Variants in TTC3 observed in about 807,000 individuals in gnomAD.
TTC3 encodes the protein tetratricopeptide repeat domain 3.
A neutral mutation model predicts 249.6 loss-of-function variants in TTC3; 180 were observed. That is an observed-to-expected ratio of 0.72 (90% CI 0.64 to 0.82). The LOEUF (loss-of-function observed/expected upper bound fraction) is 0.82. Among genes scored for constraint, TTC3 ranks in the 40% least tolerant of loss-of-function variants. The pLI, the probability that TTC3 is intolerant of heterozygous loss-of-function variation, is 0.00. For missense variants in TTC3, 2,061 were observed against 2,398.4 expected (o/e 0.86, Z 2.94); for synonymous variants, 717 against 805.0 (o/e 0.89, Z 1.85).
At chr21:37,127,408 T>G (rs1254386651) in intron 15 of TTC3, among the ~76,000 whole-genome samples, 1 of 152,210 alleles carries the variant, frequency 6.6e-6, no homozygotes, top group Non-Finnish European at 1.5e-5. Context: ...AGAACCTCAT[T>G]ACTTGGCATC....
chr21:37,154,062 G>A (rs982300027), intron 27 of TTC3, among the ~76,000 whole-genome samples: 1 of 152,250 alleles, frequency 6.6e-6, no homozygotes, highest in African/African-American at 2.4e-5. Context: ...GCAGAAGGCA[G>A]CTGCAGATAC....
chr21:37,104,810 G>A (rs550184844), intron 10 of TTC3, among the ~76,000 whole-genome samples: 1 of 152,214 alleles, frequency 6.6e-6, no homozygotes, highest in Admixed American at 6.5e-5. Flanking sequence ...ACTGAACTTT[G>A]ACAAATACCA....
intron 11 of TTC3, among the ~76,000 whole-genome samples, chr21:37,118,553 A>G (rs1382730929): frequency 6.6e-6 from 1 of 152,218 alleles, no homozygotes; most frequent in Non-Finnish European, 1.5e-5. Flanking sequence ...TGAGGGGCGC[A>G]TTAGGACTTT....
intron 21 of TTC3, 40 bp downstream of exon 21, chr21:37,144,685 G>A (rs2078827703): frequency 6.3e-7 from 1 of 1,591,478 alleles, no homozygotes; most frequent in Non-Finnish European, 8.5e-7. Flanking sequence ...TACTGTGAAT[G>A]CTTATCTGCA....
chr21:37,156,837 C>T, exon 28 of TTC3: 1 of 1,614,066 alleles, frequency 6.2e-7, no homozygotes, highest in Non-Finnish European at 8.5e-7. Flanking sequence ...TTTAATATGG[C>T]TGCTAGAAGA....
chr21:37,164,124 G>T (rs1337554820), exon 32 of TTC3: 1 of 1,613,690 alleles, frequency 6.2e-7, no homozygotes, highest in Non-Finnish European at 8.5e-7. Context: ...AGAATTCGAA[G>T]CTCTCTATGA....
chr21:37,188,892 A>G (rs1351285543), intron 39 of TTC3, among the ~76,000 whole-genome samples: 1 of 152,174 alleles, frequency 6.6e-6, no homozygotes, highest in Non-Finnish European at 1.5e-5. Flanking sequence ...CATATTGGTA[A>G]TTACATATCT....
chr21:37,119,763 T>C (rs755969006), intron 11 of TTC3, among the ~76,000 whole-genome samples: 1 of 152,220 alleles, frequency 6.6e-6, no homozygotes, highest in African/African-American at 2.4e-5. Flanking sequence ...TTATCTTTTG[T>C]CTTTGTTTTA....
intron 35 of TTC3, among the ~76,000 whole-genome samples, chr21:37,178,598 T>C (rs2082471115): frequency 6.6e-6 from 1 of 152,210 alleles, no homozygotes; most frequent in Non-Finnish European, 1.5e-5. Context: ...TATATCTTCT[T>C]TGGAGGAATG....
chr21:37,128,985 A>G lies in TTC3; in HGVS notation c.1298-18A>G. The G allele has an allele frequency of 6.5e-7, 1 of 1,549,404 alleles. No individual in the cohort carries two copies. Among genetic ancestry groups the G allele is most frequent in the African/African-American group, 1.4e-5 (1 of 71,170 alleles). On this transcript the variant is annotated intron_variant, in intron 15 of 45. Coordinates refer to ENST00000355666, the Ensembl canonical transcript of TTC3. ...TTTTATGTACAGATTTTAGGAACAA[A>G]TACTTTTGTGTTCACAGGTCAGCCT... is the stretch of plus-strand genomic sequence containing the variant.
intron 13 of TTC3, among the ~76,000 whole-genome samples, chr21:37,124,112 C>CTGTTTTTT (rs2076851310): frequency 3.3e-5 from 2 of 61,272 alleles, no homozygotes; most frequent in East Asian, 4.3e-4. Flanking sequence ...TTGAACTGTT[C>CTGTTTTTT]TTTTTTTTTT....
intron 13 of TTC3, among the ~76,000 whole-genome samples, chr21:37,123,248 AG>A (rs922275067): frequency 9.8e-5 from 15 of 152,328 alleles, no homozygotes; most frequent in African/African-American, 3.6e-4. Context: ...ATATAAGCTC[AG>A]TAGCCTAATC....
In TTC3 at chr21:37,127,942, A is replaced by G. The variant is rs191615089; in HGVS notation, c.1298-1061A>G. Among the ~76,000 whole-genome samples the G allele has an allele frequency of 1.1e-4, 16 of 152,218 alleles. No homozygotes were observed. The East Asian group carries it at 3.1e-3, about 29-fold the overall frequency. On this transcript the variant is annotated intron_variant, in intron 15 of 45. Transcript: ENST00000355666. ...CTTTGAGGATAAAACTTTTTTTTGGAAGATAGCTTTTAATTTCTTCATATT... is the reference window on the plus strand; with the variant it reads ...CTTTGAGGATAAAACTTTTTTTTGGGAGATAGCTTTTAATTTCTTCATATT...
exon 4 of TTC3, chr21:37,088,304 A>G (rs2072782805): frequency 1.2e-6 from 2 of 1,613,594 alleles, no homozygotes; most frequent in Non-Finnish European, 1.7e-6. Flanking sequence ...CAACATCAAA[A>G]CAGTTCCGTA....
At chr21:37,106,658 G>A (rs1185570138) in intron 10 of TTC3, among the ~76,000 whole-genome samples, 1 of 152,212 alleles carries the variant, frequency 6.6e-6, no homozygotes, top group Non-Finnish European at 1.5e-5. Context: ...GACAAGGCAG[G>A]AGAATTGCTT....
chr21:37,110,213 A>G (rs2075523527), intron 11 of TTC3, among the ~76,000 whole-genome samples: 1 of 152,264 alleles, frequency 6.6e-6, no homozygotes, highest in Admixed American at 6.5e-5. Flanking sequence ...ACGGAGAATG[A>G]CTTTGACGAG....
rs1315715271 is a variant in TTC3, at chr21:37,140,678, G to A, written c.1772+5G>A. The A allele has an allele frequency of 5.7e-6, 9 of 1,584,138 alleles. No individual in the cohort carries two copies. The South Asian group carries it at 6.9e-5, about 12-fold the overall frequency. On this transcript the variant is annotated splice_donor_5th_base_variant and intron_variant, in intron 20 of 45. Coordinates refer to ENST00000355666, the Ensembl canonical transcript of TTC3. Reference sequence around the variant, plus strand: ...AGTATATTTGAAAAAAAACAGGTTAGTAGAAATGACACTACTTTAAGCTCT... The same window carrying A: ...AGTATATTTGAAAAAAAACAGGTTAATAGAAATGACACTACTTTAAGCTCT...
chr21:37,148,637 A>G, exon 23 of TTC3: 3 of 1,588,138 alleles, frequency 1.9e-6, no homozygotes, highest in Non-Finnish European at 2.6e-6. Flanking sequence ...TTTAATGATA[A>G]AATTGACAAG....
rs551768004 is a variant in TTC3, at chr21:37,197,540, T to G, written c.5580-30T>G. On this transcript the variant is annotated intron_variant, in intron 42 of 45. Transcript: ENST00000355666. ...TTTCTTAGCAGTAGAGAACTTTCTGTTGTCATTCATCACTCACTCTCCCTT... is the reference window on the plus strand; with the variant it reads ...TTTCTTAGCAGTAGAGAACTTTCTGGTGTCATTCATCACTCACTCTCCCTT... 1.9e-6 allele frequency: 3 copies of G among 1,611,734 alleles called. No homozygotes were observed. The Admixed American group carries it at 5.0e-5, about 27-fold the overall frequency.
Sources: allele counts gnomAD v4.1 joint callset (sites outside exome capture counted in the v4.1 genomes callset), GRCh38; gene constraint gnomAD v4.1.1; transcripts MANE v1.5; gene names NCBI Gene and HGNC (gene_info 2026-07-23, HGNC 2026-07-21).